STAG1: variants seen among roughly 807,000 people sequenced by gnomAD.
STAG1 encodes cohesin subunit SA-1.
In STAG1, 26 loss-of-function variants were observed where a neutral mutation model predicts 170.9. That is an observed-to-expected ratio of 0.15 (90% confidence interval 0.11 to 0.21). The LOEUF (loss-of-function observed/expected upper bound fraction) is 0.21, where lower values mean the gene tolerates loss of function less well. STAG1 is among the 10% of genes least tolerant of loss of function. The pLI is 1.00. For synonymous variants in STAG1, 514 were observed against 497.7 expected (o/e 1.03, Z -0.44); for missense variants, 964 against 1,509.5 (o/e 0.64, Z 5.99).
At chr3:136,725,380 T>C (rs571156158) in intron 1 of STAG1, among the ~76,000 whole-genome samples, 4 of 152,218 alleles carry the variant, frequency 2.6e-5, no homozygotes, top group Non-Finnish European at 5.9e-5. Context: ...AGTTGAGCTA[T>C]TAACATTGCT....
intron 1 of STAG1, among the ~76,000 whole-genome samples, chr3:136,728,835 G>A (rs1471828840): frequency 6.6e-6 from 1 of 152,072 alleles, no homozygotes; most frequent in East Asian, 1.9e-4. Flanking sequence ...AATTTATTAG[G>A]AAGTGCTTAG....
At chr3:136,705,477 A>G (rs566851025) in intron 1 of STAG1, among the ~76,000 whole-genome samples, 1 of 151,830 alleles carries the variant, frequency 6.6e-6, no homozygotes, top group South Asian at 2.1e-4. Context: ...CAGATCCTGA[A>G]TTGTAGCTCC....
chr3:136,467,597 C>T (rs1018899122), intron 12 of STAG1, among the ~76,000 whole-genome samples: 8 of 152,072 alleles, frequency 5.3e-5, no homozygotes, highest in African/African-American at 1.2e-4. Flanking sequence ...TTAGACAGAT[C>T]GATGAGACAG....
At chr3:136,586,774 C>T in intron 4 of STAG1, 1 of 445,998 alleles carries the variant, frequency 2.2e-6, no homozygotes. Flanking sequence ...AGCAAGCATC[C>T]AGCTATGAAA....
chr3:136,562,744 T>C (rs1296618779), intron 5 of STAG1, among the ~76,000 whole-genome samples: 6 of 151,676 alleles, frequency 4.0e-5, no homozygotes, highest in Admixed American at 3.9e-4. Context: ...CCTATCACCA[T>C]GCCCAGCTAA....
intron 1 of STAG1, among the ~76,000 whole-genome samples, chr3:136,703,233 T>C (rs1217240751): frequency 1.6e-4 from 24 of 152,198 alleles, no homozygotes; most frequent in Non-Finnish European, 1.5e-5. Context: ...ACACTTATAG[T>C]GTCCATGAGT....
At chr3:136,582,625 G>A (rs1048379174) in intron 4 of STAG1, among the ~76,000 whole-genome samples, 6 of 151,978 alleles carry the variant, frequency 3.9e-5, no homozygotes, top group Non-Finnish European at 8.8e-5. Flanking sequence ...GTGGCGAAAC[G>A]CCATCTCTAC....
At chr3:136,518,750 T>C (rs970514532) in intron 7 of STAG1, among the ~76,000 whole-genome samples, 3 of 152,170 alleles carry the variant, frequency 2.0e-5, no homozygotes, top group Non-Finnish European at 4.4e-5. Context: ...TTAATTTGTT[T>C]TTTTGATATC....
At chr3:136,478,320 C>A (rs2089813895) in intron 9 of STAG1, among the ~76,000 whole-genome samples, 1 of 152,176 alleles carries the variant, frequency 6.6e-6, no homozygotes, top group Non-Finnish European at 1.5e-5. Context: ...TTTCACCTCA[C>A]CATAAGTAAG....
intron 28 of STAG1, among the ~76,000 whole-genome samples, chr3:136,352,067 G>A (rs1274253951): frequency 1.3e-5 from 2 of 152,126 alleles, no homozygotes; most frequent in Admixed American, 6.5e-5. Context: ...AATGACCAAC[G>A]AGAAAATAAT....
chr3:136,546,653 A>G (rs1024369733), intron 5 of STAG1, among the ~76,000 whole-genome samples: 9 of 152,202 alleles, frequency 5.9e-5, no homozygotes, highest in Admixed American at 3.3e-4. Flanking sequence ...CATGAGTGAA[A>G]TAATCTGATA....
In STAG1 at chr3:136,336,880, CT is replaced by C. The variant is rs1171891245; in HGVS notation, c.*1373del. The C allele has an allele frequency of 2.0e-5, 3 of 152,190 alleles. No homozygotes were observed. The highest frequency in any genetic ancestry group is 7.2e-5 in the African/African-American group (3 of 41,448). The allele number at this position is 152,190 out of a possible 1,614,324, so 9.4% of individuals were successfully genotyped here. On this transcript the variant is annotated 3_prime_UTR_variant, in exon 34 of 34. Transcript: ENST00000383202. ...GGAAAGCCTCATGATTCTGTTGCAG[CT>C]ACTTTAAAAACCAGCCCAGAAACAG...
intron 6 of STAG1, among the ~76,000 whole-genome samples, chr3:136,535,450 G>A (rs1935572237): frequency 1.3e-5 from 2 of 152,208 alleles, no homozygotes; most frequent in South Asian, 4.1e-4. Flanking sequence ...ATCACTTGAG[G>A]ACAGGAGTTC....
At chr3:136,406,707 A>G (rs2087495005) in intron 21 of STAG1, among the ~76,000 whole-genome samples, 1 of 152,216 alleles carries the variant, frequency 6.6e-6, no homozygotes, top group Admixed American at 6.5e-5. Context: ...GAAATAGGGG[A>G]TTGATTATCC....
chr3:136,750,523 A>G (rs1191280847), intron 1 of STAG1, among the ~76,000 whole-genome samples: 1 of 152,226 alleles, frequency 6.6e-6, no homozygotes, highest in Non-Finnish European at 1.5e-5. Flanking sequence ...ACAAACTTCC[A>G]TATTTTGCAT....
At chr3:136,726,596 G>A (rs770813335) in intron 1 of STAG1, among the ~76,000 whole-genome samples, 5 of 152,070 alleles carry the variant, frequency 3.3e-5, no homozygotes, top group Admixed American at 6.6e-5. Flanking sequence ...GCTAATTTTC[G>A]TATTTTTAGT....
chr3:136,699,416 G>C (rs921495804), intron 1 of STAG1, among the ~76,000 whole-genome samples: 1 of 151,430 alleles, frequency 6.6e-6, no homozygotes, highest in Non-Finnish European at 1.5e-5. Flanking sequence ...TTAAAGACAG[G>C]GTCTTGCTCT....
chr3:136,556,038 G>A (rs1936601195), intron 5 of STAG1, among the ~76,000 whole-genome samples: 1 of 152,078 alleles, frequency 6.6e-6, no homozygotes, highest in Non-Finnish European at 1.5e-5. Context: ...AGTTGAATTC[G>A]TTCTAGGAAT....
chr3:136,554,394 T>C (rs887998999), intron 5 of STAG1, among the ~76,000 whole-genome samples: 6 of 152,184 alleles, frequency 3.9e-5, no homozygotes, highest in Non-Finnish European at 1.5e-5. Flanking sequence ...AACAAAATTA[T>C]TGAGCTAACA....
Sources: allele counts gnomAD v4.1 joint callset (sites outside exome capture counted in the v4.1 genomes callset), GRCh38; gene constraint gnomAD v4.1.1; transcripts MANE v1.5; gene names NCBI Gene and HGNC (gene_info 2026-07-23, HGNC 2026-07-21).